LIPA: variants seen among roughly 807,000 people sequenced by gnomAD.
LIPA encodes lipase A, lysosomal acid type.
LIPA carries 26 observed loss-of-function variants against 40.6 expected under a neutral mutation model. That is an observed-to-expected ratio of 0.64 (90% CI 0.47 to 0.89). LIPA has a LOEUF of 0.89. Ranked by LOEUF, LIPA falls within the 40% of genes least tolerant of loss-of-function variation. LIPA has a pLI of 0.00. For missense variants in LIPA, 455 were observed against 479.6 expected, an observed-to-expected ratio of 0.95 and a Z score of 0.48; for synonymous variants, 188 against 168.4, an observed-to-expected ratio of 1.12 and a Z score of -0.90.
chr10:89,343,066 G>A (rs1843886328), upstream of LIPA, among the ~76,000 whole-genome samples: 1 of 152,182 alleles, frequency 6.6e-6, no homozygotes, highest in East Asian at 1.9e-4. Context: ...GGTAAAAGGA[G>A]GTAGGTAATA....
intron 2 of LIPA, among the ~76,000 whole-genome samples, chr10:89,380,401 G>C (rs1453822408): frequency 6.6e-6 from 1 of 151,882 alleles, no homozygotes; most frequent in African/African-American, 2.4e-5. Flanking sequence ...CAGGCATACA[G>C]GGATTAGGTC....
At chr10:89,295,274 T>C (rs938580203) in intron 1 of LIPA, among the ~76,000 whole-genome samples, 1 of 152,130 alleles carries the variant, frequency 6.6e-6, no homozygotes, top group Admixed American at 6.5e-5. Context: ...AGTATTCCTC[T>C]AACAAGTGCG....
chr10:89,395,608 C>A (rs533738877), intron 2 of LIPA, among the ~76,000 whole-genome samples: 1 of 152,264 alleles, frequency 6.6e-6, no homozygotes, highest in African/African-American at 2.4e-5. Flanking sequence ...GCAAGAACCA[C>A]AAGGGCATCT....
intron 1 of LIPA, among the ~76,000 whole-genome samples, chr10:89,336,214 G>A (rs1184619468): frequency 2.0e-5 from 3 of 151,554 alleles, no homozygotes; most frequent in Non-Finnish European, 2.9e-5. Context: ...AAATAGGGAG[G>A]GAGGAAGAGA....
At chr10:89,255,596 A>G (rs1447645213), upstream of LIPA, among the ~76,000 whole-genome samples, 1 of 152,224 alleles carries the variant, frequency 6.6e-6, no homozygotes, top group South Asian at 2.1e-4. Context: ...AAGTGGAGAA[A>G]AATAGGCAGC....
rs188698925 is a variant in LIPA, at chr10:89,394,038, A to G, written c.61+18753T>C. 1.2e-3 allele frequency among the ~76,000 whole-genome samples: 185 copies of G among 152,330 alleles called. 1 individual carries two copies. The Middle Eastern group carries it at 0.017, about 14-fold the overall frequency. ...ATACTTATAAGGCAGGTACTTACAC[A>G]GTCATGCATCGTGTAACAATGGGGA... On this transcript the variant is annotated intron_variant, in intron 2 of 8. Coordinates refer to the LIPA transcript ENST00000371837.
intron 1 of LIPA, among the ~76,000 whole-genome samples, chr10:89,318,341 C>T (rs1006287304): frequency 1.3e-5 from 2 of 152,042 alleles, no homozygotes; most frequent in Admixed American, 6.5e-5. Flanking sequence ...CAGAGACACA[C>T]ATAGGCTAAA....
chr10:89,406,785 T>C (rs918748509), intron 2 of LIPA, among the ~76,000 whole-genome samples: 5 of 152,168 alleles, frequency 3.3e-5, no homozygotes, highest in Admixed American at 2.0e-4. Flanking sequence ...CGCAGCTTCA[T>C]TCTTGAAGTC....
At chr10:89,397,152 G>T (rs1844355787) in intron 2 of LIPA, among the ~76,000 whole-genome samples, 1 of 151,994 alleles carries the variant, frequency 6.6e-6, no homozygotes, top group African/African-American at 2.4e-5. Context: ...CTATGGTATA[G>T]ATATACCTTT....
intron 1 of LIPA, among the ~76,000 whole-genome samples, chr10:89,290,262 T>G (rs1564776908): frequency 6.6e-6 from 1 of 152,160 alleles, no homozygotes; most frequent in Non-Finnish European, 1.5e-5. Flanking sequence ...AGTTTCTCAA[T>G]TCATCCAAAA....
intron 3 of LIPA, 76 bp from the exon 4 acceptor site, chr10:89,228,474 T>C: frequency 8.3e-7 from 1 of 1,197,766 alleles, no homozygotes; most frequent in Admixed American, 1.7e-5. Context: ...AAATAGAACA[T>C]TCGTAAAAGA....
At chr10:89,223,243 C>G (rs532771769) in intron 7 of LIPA, among the ~76,000 whole-genome samples, 41 of 152,038 alleles carry the variant, frequency 2.7e-4, no homozygotes, top group Non-Finnish European at 5.3e-4. Context: ...TGCTGAGATG[C>G]GGGCTTCTAT....
chr10:89,413,639 C>T (rs1044782165), intron 1 of LIPA, among the ~76,000 whole-genome samples: 3 of 151,960 alleles, frequency 2.0e-5, no homozygotes, highest in Admixed American at 6.6e-5. Flanking sequence ...TAGTGGTGCA[C>T]GCATATAGTC....
chr10:89,324,056 G>A (rs949866261), intron 1 of LIPA, among the ~76,000 whole-genome samples: 1 of 152,116 alleles, frequency 6.6e-6, no homozygotes, highest in East Asian at 1.9e-4. Context: ...AAAATAGCAT[G>A]GTACTGGTAC....
At chr10:89,390,082 G>T (rs1844235331) in intron 2 of LIPA, among the ~76,000 whole-genome samples, 1 of 149,224 alleles carries the variant, frequency 6.7e-6, no homozygotes, top group Admixed American at 6.7e-5. Flanking sequence ...CACCTCCCGG[G>T]TTCAAGCGAT....
chr10:89,365,026 T>C (rs1048500397), intron 2 of LIPA, among the ~76,000 whole-genome samples: 2 of 152,214 alleles, frequency 1.3e-5, no homozygotes, highest in Admixed American at 6.5e-5. Context: ...TTCCATGAAT[T>C]GCACAGAATT....
chr10:89,254,276 AAATACAGG>A (rs1181152086), upstream of LIPA, among the ~76,000 whole-genome samples: 2 of 152,220 alleles, frequency 1.3e-5, no homozygotes, highest in Admixed American at 6.5e-5. Flanking sequence ...ACATCCTCTG[AAATACAGG>A]TGGAGGTTCC....
chr10:89,325,817 T>C (rs1564786262), intron 1 of LIPA, among the ~76,000 whole-genome samples: 1 of 152,120 alleles, frequency 6.6e-6, no homozygotes, highest in Non-Finnish European at 1.5e-5. Context: ...ACATGCAATT[T>C]ACCTAAATAA....
intron 1 of LIPA, among the ~76,000 whole-genome samples, chr10:89,294,431 A>C (rs2133511383): frequency 6.6e-6 from 1 of 152,326 alleles, no homozygotes; most frequent in East Asian, 1.9e-4. Context: ...CCATGATGGA[A>C]GGGTAAATAG....
Sources: gnomAD v4.1 joint callset for allele counts (sites outside exome capture counted in the v4.1 genomes callset) on GRCh38, gnomAD v4.1.1 for gene constraint, MANE v1.5 for transcripts, NCBI Gene and HGNC (gene_info 2026-07-23, HGNC 2026-07-21) for gene names.